CACNA1C: variants seen among roughly 807,000 people sequenced by gnomAD.
CACNA1C encodes the protein calcium voltage-gated channel subunit alpha1 C.
In CACNA1C, 30 loss-of-function variants were observed where a neutral mutation model predicts 229.0. The observed-to-expected ratio is 0.13, with a 90% CI of 0.10 to 0.18. The LOEUF (loss-of-function observed/expected upper bound fraction) is 0.18, where lower values mean the gene tolerates loss of function less well. Ranked by LOEUF, CACNA1C falls within the 10% of genes least tolerant of loss-of-function variation. The probability of loss-of-function intolerance (pLI) is 1.00; values close to 1 mark genes in which losing one functional copy is unlikely to be tolerated. For synonymous variants in CACNA1C, 1,114 were observed against 1,132.5 expected, an observed-to-expected ratio of 0.98 and a Z score of 0.33; for missense variants, 1,658 against 2,845.0, an observed-to-expected ratio of 0.58 and a Z score of 9.49.
At chr12:2,146,425 G>A (rs1354252655) in intron 3 of CACNA1C, among the ~76,000 whole-genome samples, 1 of 151,286 alleles carries the variant, frequency 6.6e-6, no homozygotes, top group Non-Finnish European at 1.5e-5. Flanking sequence ...TGATTGAGTA[G>A]CAGTATGTGG....
At chr12:2,176,996 C>T (rs995067572) in intron 3 of CACNA1C, among the ~76,000 whole-genome samples, 2 of 152,206 alleles carry the variant, frequency 1.3e-5, no homozygotes, top group African/African-American at 4.8e-5. Context: ...GACCCCTCCA[C>T]CCATGGCCAG....
intron 4 of CACNA1C, among the ~76,000 whole-genome samples, chr12:2,456,366 A>G (rs1000185089): frequency 5.3e-5 from 8 of 152,214 alleles, no homozygotes; most frequent in Non-Finnish European, 1.0e-4. Flanking sequence ...GTCTCCCACA[A>G]CAGCAGAATG....
In CACNA1C at chr12:2,595,015, G is replaced by A. The variant is rs2153355056; in HGVS notation, c.2664-859G>A. ...TCAGCTCAGTGGAGGTTGGTGGGAGGGGTTGTTGGTTTGAAGCAGATGATT... is the reference window on the plus strand; with the variant it reads ...TCAGCTCAGTGGAGGTTGGTGGGAGAGGTTGTTGGTTTGAAGCAGATGATT... On this transcript the variant is annotated intron_variant, in intron 19 of 46. Transcript: ENST00000399655. The surrounding 1 kb of genome is among the most constrained non-coding windows in gnomAD (Gnocchi z 4.1). Among the ~76,000 whole-genome samples the A allele has an allele frequency of 6.6e-6, 1 of 152,266 alleles. No homozygotes were observed. Among genetic ancestry groups the A allele is most frequent in the South Asian group, 2.1e-4 (1 of 4,814 alleles).
At chr12:2,509,994 A>C (rs761514997) in intron 8 of CACNA1C, among the ~76,000 whole-genome samples, 26 of 152,240 alleles carry the variant, frequency 1.7e-4, no homozygotes, top group Non-Finnish European at 2.9e-4. Flanking sequence ...AGGGCCTAGC[A>C]CACCTCAGGC....
chr12:2,026,605 C>T (rs1168447438), intron 1 of CACNA1C, among the ~76,000 whole-genome samples: 1 of 152,218 alleles, frequency 6.6e-6, no homozygotes, highest in Non-Finnish European at 1.5e-5. Context: ...TGCTGGAAGA[C>T]TTCACTCTGT....
In CACNA1C at chr12:2,053,694, G is replaced by A. The variant is rs1324518327; in HGVS notation, c.49+83G>A. 4.2e-6 allele frequency: 6 copies of A among 1,429,546 alleles called. No homozygotes were observed. Among genetic ancestry groups the A allele is most frequent in the Non-Finnish European group, 5.5e-6 (6 of 1,086,448 alleles). 88.6% of individuals were successfully genotyped at this position (1,429,546 alleles called of 1,614,324 possible). Reference sequence around the variant, plus strand: ...CCCTACCCGCGCTCCCCGCGGCCCCGGGGCCGGTCCCTGCGGAGTGGCCCG... The same window carrying A: ...CCCTACCCGCGCTCCCCGCGGCCCCAGGGCCGGTCCCTGCGGAGTGGCCCG... On this transcript the variant is annotated intron_variant, in intron 1 of 46. Transcript: ENST00000399655. The surrounding 1 kb of genome is among the most constrained non-coding windows in gnomAD (Gnocchi z 5.8).
chr12:2,450,390 TA>T (rs777400532), intron 4 of CACNA1C, among the ~76,000 whole-genome samples: 1 of 151,452 alleles, frequency 6.6e-6, no homozygotes, highest in South Asian at 2.1e-4. Context: ...CCGTCTCTAC[TA>T]AAAATACAAA....
chr12:2,004,535 C>A (rs2154480458), intron 1 of CACNA1C: 5 of 1,487,914 alleles, frequency 3.4e-6, no homozygotes, highest in Non-Finnish European at 4.5e-6. Context: ...GGCGACCACA[C>A]GGCCCGGGAG....
Position 2,688,492 on chromosome 12 carries a change from T to A in CACNA1C, c.5830T>A (p.Ser1944Thr), listed in dbSNP as rs1245354807. The A allele has an allele frequency of 4.3e-6, 7 of 1,613,612 alleles. 1 individual carries two copies. The change falls in exon 46 of 47, where the codon TCC becomes ACC. Residue 1944 changes from serine to threonine, a missense_variant. Around this residue, in one of 20 missense-constraint regions of CACNA1C, gnomAD observed 590 missense variants for 700.8 expected, o/e 0.84. Coordinates refer to ENST00000399655, the MANE Select transcript of CACNA1C (RefSeq NM_000719.7). ...GLSPLLQRSHSPASFPRPFAT... is the reference protein window; with the variant it reads ...GLSPLLQRSHTPASFPRPFAT... ...GAGCCCCCTCCTCCAGAGAAGCCAT[T>A]CCCCTGCCTCATTCCCTAGGCCTTT...
At chr12:2,182,921 C>G (rs2096884403) in intron 3 of CACNA1C, among the ~76,000 whole-genome samples, 1 of 152,146 alleles carries the variant, frequency 6.6e-6, no homozygotes, top group Non-Finnish European at 1.5e-5. Flanking sequence ...TGGTTTCGGT[C>G]CTTAGTCCAC....
chr12:2,463,849 T>G (rs2099532256), intron 5 of CACNA1C, among the ~76,000 whole-genome samples: 1 of 152,220 alleles, frequency 6.6e-6, no homozygotes, highest in Admixed American at 6.5e-5. Context: ...TTCTCTCTGC[T>G]GTGAGCATCC....
chr12:2,198,414 C>T (rs1463588510), intron 3 of CACNA1C, among the ~76,000 whole-genome samples: 1 of 152,168 alleles, frequency 6.6e-6, no homozygotes. Flanking sequence ...AAATGTGTTC[C>T]TCCGGCATGA....
At chr12:2,526,625 T>G (rs1423822587) in intron 9 of CACNA1C, among the ~76,000 whole-genome samples, 1 of 152,218 alleles carries the variant, frequency 6.6e-6, no homozygotes, top group East Asian at 1.9e-4. Context: ...TGTGGTGCCA[T>G]CCAGAGTCAT....
Position 2,633,337 on chromosome 12 carries a change from C to T in CACNA1C, c.3829-960C>T, listed in dbSNP as rs1291644624. Among the ~76,000 whole-genome samples the T allele has an allele frequency of 1.3e-5, 2 of 152,180 alleles. No homozygotes were observed. Among genetic ancestry groups the T allele is most frequent in the African/African-American group, 4.8e-5 (2 of 41,450 alleles). On this transcript the variant is annotated intron_variant, in intron 29 of 46. Transcript: ENST00000399655. This position sits in a 1 kb window ranked among gnomAD's most constrained non-coding sequence, Gnocchi z 5.8. Reference sequence around the variant, plus strand: ...ACCACCCACGCCCCCCACACCCACTCCTGCCCCTGGTGGGACGTGGACAGG... The same window carrying T: ...ACCACCCACGCCCCCCACACCCACTTCTGCCCCTGGTGGGACGTGGACAGG...
intron 12 of CACNA1C, among the ~76,000 whole-genome samples, chr12:2,567,023 C>T (rs1031215101): frequency 2.0e-5 from 3 of 152,202 alleles, no homozygotes; most frequent in Admixed American, 6.5e-5. Context: ...CACAAGGAAC[C>T]GTCTTCAATG....
intron 3 of CACNA1C, among the ~76,000 whole-genome samples, chr12:2,362,140 C>A (rs2097574169): frequency 1.3e-5 from 2 of 152,212 alleles, no homozygotes; most frequent in Non-Finnish European, 2.9e-5. Context: ...GTATGTCCCC[C>A]TGGCCACAGA....
intron 3 of CACNA1C, among the ~76,000 whole-genome samples, chr12:2,445,290 C>G (rs960250159): frequency 2.0e-5 from 3 of 152,206 alleles, no homozygotes; most frequent in African/African-American, 7.2e-5. Context: ...CATGCCATGT[C>G]CTAATTGTAT....
intron 9 of CACNA1C, among the ~76,000 whole-genome samples, chr12:2,540,986 T>C: frequency 6.6e-6 from 1 of 152,008 alleles, no homozygotes; most frequent in East Asian, 1.9e-4. Flanking sequence ...GGAAAAGGGG[T>C]CAGTCCCCAG....
At chr12:2,614,791 T>G (rs1215545778) in intron 29 of CACNA1C, 3 of 152,220 alleles carry the variant, frequency 2.0e-5, no homozygotes, top group Non-Finnish European at 4.4e-5. Context: ...GCTGGTTGGT[T>G]GGTCCATCAG....
Sources: gnomAD v4.1 joint callset for allele counts (sites outside exome capture counted in the v4.1 genomes callset) on GRCh38, gnomAD v4.1.1 for gene constraint, gnomAD v4.1.1 regional missense constraint, Gnocchi (gnomAD v3.1) non-coding constraint, MANE v1.5 for transcripts, NCBI Gene and HGNC (gene_info 2026-07-23, HGNC 2026-07-21) for gene names.